Variants in DOCK10 observed in about 807,000 individuals in gnomAD.
DOCK10 encodes the protein dedicator of cytokinesis protein 10.
Under a neutral mutation model 280.1 loss-of-function variants are expected in DOCK10, and 145 were observed. That is an observed-to-expected ratio of 0.52 (90% CI 0.45 to 0.59). The LOEUF (loss-of-function observed/expected upper bound fraction) is 0.59, where lower values mean the gene tolerates loss of function less well. DOCK10 is among the 20% of genes least tolerant of loss of function. The pLI, the probability that DOCK10 is intolerant of heterozygous loss-of-function variation, is 0.00. For missense variants in DOCK10, 2,368 were observed against 2,651.7 expected (o/e 0.89, Z 2.35); for synonymous variants, 915 against 942.2 (o/e 0.97, Z 0.53).
At chr2:224,855,821 A>C (rs1162700312) in intron 15 of DOCK10, among the ~76,000 whole-genome samples, 1 of 152,200 alleles carries the variant, frequency 6.6e-6, no homozygotes, top group Admixed American at 6.5e-5. Context: ...ATTTTTAGGA[A>C]TTTTGCTTGA....
At position 224,786,986 on chromosome 2, in the gene DOCK10, A is replaced by G. The variant is rs777869295; in HGVS notation, c.5655+36T>C. 7 of 1,469,322 alleles carry G rather than the reference A, an allele frequency of 4.8e-6. No individual in the cohort carries two copies. Among genetic ancestry groups the G allele is most frequent in the Non-Finnish European group, 6.7e-6 (7 of 1,048,252 alleles). The allele number at this position is 1,469,322 out of a possible 1,614,324, so 91.0% of individuals were successfully genotyped here. ...GAAAGACAACATTCAACTGCTCAGCAGAATTTATGGGCCGTGTTATTTCTG... is the reference window on the plus strand; with the variant it reads ...GAAAGACAACATTCAACTGCTCAGCGGAATTTATGGGCCGTGTTATTTCTG... On this transcript the variant is annotated intron_variant, in intron 50 of 55. Transcript: ENST00000258390. This position sits in a 1 kb window ranked among gnomAD's most constrained non-coding sequence, Gnocchi z 4.7.
At chr2:224,859,793 A>T (rs779684575) in intron 14 of DOCK10, among the ~76,000 whole-genome samples, 1 of 152,334 alleles carries the variant, frequency 6.6e-6, no homozygotes, top group South Asian at 2.1e-4. Context: ...GGTATCAATT[A>T]GGTATTGAAG....
intron 50 of DOCK10, among the ~76,000 whole-genome samples, chr2:224,783,273 A>ATTTTTTTTTTTTT (rs10713926): frequency 6.9e-6 from 1 of 143,998 alleles, no homozygotes. Context: ...TCAGACTGGA[A>ATTTTTTTTTTTTT]TTTTTTTTTT....
intron 1 of DOCK10, among the ~76,000 whole-genome samples, chr2:225,020,760 C>T (rs1689763039): frequency 6.6e-6 from 1 of 152,228 alleles, no homozygotes; most frequent in Non-Finnish European, 1.5e-5. Context: ...TCTACACACA[C>T]TAGAGCATGT....
chr2:224,833,117 T>C (rs1695342676), intron 26 of DOCK10, among the ~76,000 whole-genome samples: 1 of 152,212 alleles, frequency 6.6e-6, no homozygotes, highest in Admixed American at 6.5e-5. Flanking sequence ...GGTTGTGGTC[T>C]CCATTTTTAT....
intron 1 of DOCK10, among the ~76,000 whole-genome samples, chr2:225,039,196 T>C (rs1177407593): frequency 1.3e-5 from 2 of 152,194 alleles, no homozygotes; most frequent in African/African-American, 4.8e-5. Flanking sequence ...ATGGTATGTA[T>C]ATTCAACCAA....
At chr2:224,921,854 C>T (rs1392670430) in intron 2 of DOCK10, among the ~76,000 whole-genome samples, 2 of 151,952 alleles carry the variant, frequency 1.3e-5, no homozygotes, top group East Asian at 1.9e-4. Flanking sequence ...AATCCCAGCG[C>T]TTTGGGAGGC....
At chr2:224,910,976 C>CTCTTTTTT (rs1553611360) in intron 3 of DOCK10, among the ~76,000 whole-genome samples, 1 of 149,134 alleles carries the variant, frequency 6.7e-6, no homozygotes, top group African/African-American at 2.5e-5. Flanking sequence ...TTCTCTCTCC[C>CTCTTTTTT]TTTTTTTTTT....
At chr2:224,996,634 T>G (rs1391823295) in intron 1 of DOCK10, among the ~76,000 whole-genome samples, 2 of 152,060 alleles carry the variant, frequency 1.3e-5, no homozygotes, top group Admixed American at 6.6e-5. Flanking sequence ...ACTGCGAAAA[T>G]CAAATAAGAA....
intron 1 of DOCK10, among the ~76,000 whole-genome samples, chr2:224,975,150 G>A (rs566892209): frequency 1.3e-5 from 2 of 152,082 alleles, no homozygotes; most frequent in African/African-American, 4.8e-5. Context: ...ATGATACAGG[G>A]CGTAATTGGA....
At chr2:224,898,088 G>A (rs576202392) in intron 3 of DOCK10, among the ~76,000 whole-genome samples, 91 of 152,340 alleles carry the variant, frequency 6.0e-4, no homozygotes, top group Middle Eastern at 3.4e-3. Flanking sequence ...GTGCAGGACT[G>A]CTGCAGCAAA....
chr2:224,945,566 A>G (rs768160344), intron 1 of DOCK10, among the ~76,000 whole-genome samples: 8 of 152,246 alleles, frequency 5.3e-5, no homozygotes, highest in Middle Eastern at 3.4e-3. Flanking sequence ...AATAAACTCT[A>G]TTCATATCAA....
intron 3 of DOCK10, among the ~76,000 whole-genome samples, chr2:224,905,673 C>T (rs1425202994): frequency 6.6e-6 from 1 of 152,216 alleles, no homozygotes; most frequent in Non-Finnish European, 1.5e-5. Flanking sequence ...ATACCCAAAT[C>T]CAGTGAGCCC....
chr2:224,788,290 A>G (rs964272744), intron 48 of DOCK10, among the ~76,000 whole-genome samples: 1 of 152,114 alleles, frequency 6.6e-6, no homozygotes, highest in Non-Finnish European at 1.5e-5. Flanking sequence ...CTAGTGGTTT[A>G]ATAAATTTTC....
chr2:224,979,442 C>T (rs1181932857), intron 1 of DOCK10, among the ~76,000 whole-genome samples: 1 of 152,176 alleles, frequency 6.6e-6, no homozygotes, highest in Non-Finnish European at 1.5e-5. Flanking sequence ...CAGTGGCTTC[C>T]TTTCTCACTT....
intron 1 of DOCK10, among the ~76,000 whole-genome samples, chr2:225,040,173 C>T (rs1224294678): frequency 6.6e-6 from 1 of 152,162 alleles, no homozygotes; most frequent in East Asian, 1.9e-4. Flanking sequence ...GCTCTACACC[C>T]ACAGAATCCC....
In DOCK10 at chr2:224,805,210, C is replaced by T. The variant is rs116790520; in HGVS notation, c.4047G>A (p.Ser1349=). The T allele has an allele frequency of 1.8e-3, 2,855 of 1,608,946 alleles. 34 individuals carry two copies. The African/African-American group carries it at 0.033, about 18-fold the overall frequency. Residue 1349 remains serine, a synonymous_variant, in exon 36 of 56, where the codon TCG becomes TCA. Coordinates refer to ENST00000258390, the MANE Select transcript of DOCK10 (RefSeq NM_014689.3). The surrounding 1 kb of genome is among the most constrained non-coding windows in gnomAD (Gnocchi z 4.3). ...MCFLHIMKTI[S]YETLIAYWQR... ...AAATTAAAGAATTCTCTTTACCGTACGAAATCGTTTTCATAATGTGAAGAA... is the reference window on the plus strand; with the variant it reads ...AAATTAAAGAATTCTCTTTACCGTATGAAATCGTTTTCATAATGTGAAGAA...
chr2:224,935,850 C>T (rs1702659112), intron 1 of DOCK10, among the ~76,000 whole-genome samples: 2 of 152,168 alleles, frequency 1.3e-5, no homozygotes, highest in Admixed American at 6.5e-5. Flanking sequence ...ATTATTTCAT[C>T]CAGATCCAAG....
chr2:224,950,619 T>A (rs540369566), intron 1 of DOCK10, among the ~76,000 whole-genome samples: 1 of 151,750 alleles, frequency 6.6e-6, no homozygotes, highest in Non-Finnish European at 1.5e-5. Context: ...GAAGGGAGGG[T>A]TTCCCCCCTT....
Sources: allele counts gnomAD v4.1 joint callset (sites outside exome capture counted in the v4.1 genomes callset), GRCh38; gene constraint gnomAD v4.1.1; non-coding constraint Gnocchi (gnomAD v3.1); transcripts MANE v1.5; gene names NCBI Gene and HGNC (gene_info 2026-07-23, HGNC 2026-07-21).